The following CNTN5 variants were observed in gnomAD, a reference collection of about 807,000 sequenced individuals.
CNTN5 encodes the protein contactin 5, also known as contactin-5.
A neutral mutation model predicts 129.1 loss-of-function variants in CNTN5; 77 were observed. The observed-to-expected ratio is 0.60, with a 90% confidence interval of 0.50 to 0.72. The LOEUF is 0.72. Among genes scored for constraint, CNTN5 ranks in the 30% least tolerant of loss-of-function variants. The probability of loss-of-function intolerance (pLI) is 0.00; values close to 1 mark genes in which losing one functional copy is unlikely to be tolerated. For missense variants in CNTN5, 1,478 were observed against 1,328.8 expected (o/e 1.11, Z -1.75); for synonymous variants, 509 against 465.6 (o/e 1.09, Z -1.20).
At chr11:99,038,397 T>C (rs6589857) in intron 1 of CNTN5, among the ~76,000 whole-genome samples, 50,481 of 151,992 alleles carry the variant, frequency 0.33, 9,713 homozygotes, top group East Asian at 0.56. Context: ...TTAGCATATC[T>C]ATCATCTCAA....
chr11:100,026,778 G>A (rs1055890876), intron 9 of CNTN5, among the ~76,000 whole-genome samples: 1 of 151,976 alleles, frequency 6.6e-6, no homozygotes, highest in Non-Finnish European at 1.5e-5. Context: ...TTGGATAGTA[G>A]TCTTTTATCA....
At chr11:99,989,602 A>C (rs1901862) in intron 8 of CNTN5, among the ~76,000 whole-genome samples, 44,787 of 151,952 alleles carry the variant, frequency 0.29, 6,988 homozygotes, top group African/African-American at 0.38. Context: ...TTATTGTAAA[A>C]TATTTGTTTC....
At chr11:100,074,111 T>G (rs1487111348) in intron 12 of CNTN5, 33 bp from the exon 13 acceptor site, 2 of 1,591,104 alleles carry the variant, frequency 1.3e-6, no homozygotes, top group Non-Finnish European at 1.7e-6. Context: ...TGTCATTGCT[T>G]CTGGTAGAAA....
chr11:99,704,861 C>T (rs1954686561), intron 3 of CNTN5, among the ~76,000 whole-genome samples: 1 of 151,214 alleles, frequency 6.6e-6, no homozygotes, highest in East Asian at 1.9e-4. Context: ...GTGACTGAGT[C>T]TTTCCCAGAA....
intron 6 of CNTN5, among the ~76,000 whole-genome samples, chr11:99,889,321 TGTGTGTG>T (rs1948988948): frequency 3.5e-5 from 5 of 144,886 alleles, no homozygotes; most frequent in Non-Finnish European, 7.5e-5. Context: ...TGTGTGTGTG[TGTGTGTG>T]TGTGTGTGTG....
At chr11:100,270,535 GACAA>G (rs1164235518) in intron 17 of CNTN5, among the ~76,000 whole-genome samples, 3 of 152,126 alleles carry the variant, frequency 2.0e-5, no homozygotes, top group Admixed American at 6.5e-5. Flanking sequence ...TAATTGTATT[GACAA>G]ACAATGTTAT....
chr11:100,325,062 C>T (rs1160051709), intron 21 of CNTN5, among the ~76,000 whole-genome samples: 1 of 152,016 alleles, frequency 6.6e-6, no homozygotes, highest in Admixed American at 6.6e-5. Context: ...TGGAGATGAA[C>T]TAAATTGACG....
At chr11:99,334,544 T>G (rs1350741471) in intron 2 of CNTN5, among the ~76,000 whole-genome samples, 4 of 152,078 alleles carry the variant, frequency 2.6e-5, no homozygotes, top group African/African-American at 4.8e-5. Flanking sequence ...CAGACACACA[T>G]ACACACATAC....
chr11:99,864,255 A>G (rs1222135571), intron 6 of CNTN5, among the ~76,000 whole-genome samples: 2 of 152,116 alleles, frequency 1.3e-5, no homozygotes, highest in African/African-American at 4.8e-5. Flanking sequence ...TATTAACTGA[A>G]CACTTAGAAT....
At chr11:99,564,132 A>T (rs1243110264) in intron 3 of CNTN5, among the ~76,000 whole-genome samples, 2 of 152,184 alleles carry the variant, frequency 1.3e-5, no homozygotes, top group African/African-American at 4.8e-5. Context: ...CCCAAGCTAG[A>T]GTGCAGCGGC....
chr11:99,346,180 C>A (rs1026345101), intron 2 of CNTN5, among the ~76,000 whole-genome samples: 3 of 152,108 alleles, frequency 2.0e-5, no homozygotes, highest in African/African-American at 7.2e-5. Context: ...TAAATATTGA[C>A]TTCCAATATA....
At chr11:99,302,537 A>C (rs1409785071) in intron 1 of CNTN5, among the ~76,000 whole-genome samples, 1 of 151,740 alleles carries the variant, frequency 6.6e-6, no homozygotes, top group African/African-American at 2.4e-5. Flanking sequence ...ACATATGCAT[A>C]TTTTCAGGAT....
chr11:100,177,750 T>C (rs1237404372), intron 13 of CNTN5, among the ~76,000 whole-genome samples: 1 of 152,196 alleles, frequency 6.6e-6, no homozygotes, highest in Non-Finnish European at 1.5e-5. Flanking sequence ...GAGTTTAAAG[T>C]TCTGTTCAGT....
chr11:99,761,543 A>C (rs1019859769), intron 3 of CNTN5, among the ~76,000 whole-genome samples: 16 of 151,512 alleles, frequency 1.1e-4, no homozygotes, highest in Non-Finnish European at 2.2e-4. Context: ...GCGATAGTTT[A>C]CTGAGAATGA....
At chr11:99,142,129 T>C (rs536882319) in intron 1 of CNTN5, among the ~76,000 whole-genome samples, 51 of 152,262 alleles carry the variant, frequency 3.3e-4, no homozygotes, top group Non-Finnish European at 6.3e-4. Context: ...CCTGGCAGGC[T>C]GGGACCAGGC....
In CNTN5 at chr11:99,911,472, G is replaced by A. The variant is rs114721400; in HGVS notation, c.578-4582G>A. Among the ~76,000 whole-genome samples the A allele has an allele frequency of 3.7e-3, 561 of 151,884 alleles. 4 individuals carry two copies. Among genetic ancestry groups the A allele is most frequent in the African/African-American group, 0.013 (524 of 41,480 alleles). On this transcript the variant is annotated intron_variant, in intron 6 of 24. Transcript: ENST00000524871. ...CAACCACAGCGTTTTACTTCTAATT[G>A]TATAGCTTTTATTCTCCTGTCTTGA... is the stretch of plus-strand genomic sequence containing the variant.
chr11:99,106,016 C>T (rs933148974), intron 1 of CNTN5, among the ~76,000 whole-genome samples: 4 of 152,020 alleles, frequency 2.6e-5, no homozygotes, highest in South Asian at 4.1e-4. Context: ...AGTTAAACAA[C>T]GTAAGGGGAG....
At chr11:99,298,445 T>G (rs568764541) in intron 1 of CNTN5, among the ~76,000 whole-genome samples, 22 of 152,282 alleles carry the variant, frequency 1.4e-4, no homozygotes, top group African/African-American at 4.8e-4. Context: ...GCCACTGGGA[T>G]TGGTCGACAC....
chr11:100,075,815 A>G (rs898784851), intron 13 of CNTN5, among the ~76,000 whole-genome samples: 2 of 152,256 alleles, frequency 1.3e-5, no homozygotes, highest in Non-Finnish European at 2.9e-5. Context: ...TCTGGTTTCT[A>G]TCATTCTCTT....
Sources: gnomAD v4.1 joint callset for allele counts (sites outside exome capture counted in the v4.1 genomes callset) on GRCh38, gnomAD v4.1.1 for gene constraint, MANE v1.5 for transcripts, NCBI Gene and HGNC (gene_info 2026-07-23, HGNC 2026-07-21) for gene names.